ASTN1: variants seen among roughly 807,000 people sequenced by gnomAD.
ASTN1 encodes the protein astrotactin-1.
In ASTN1, 41 loss-of-function variants were observed where a neutral mutation model predicts 140.7. The observed-to-expected ratio is 0.29, with a 90% CI of 0.23 to 0.38. ASTN1 has a LOEUF of 0.38. ASTN1 is among the 10% of genes least tolerant of loss of function. The pLI is 1.00. For synonymous variants in ASTN1, 640 were observed against 652.2 expected (o/e 0.98, Z 0.29); for missense variants, 1,479 against 1,678.8 (o/e 0.88, Z 2.08).
chr1:177,137,095 C>T (rs1682239237), intron 1 of ASTN1, among the ~76,000 whole-genome samples: 1 of 152,068 alleles, frequency 6.6e-6, no homozygotes, highest in Non-Finnish European at 1.5e-5. Flanking sequence ...GGTTAGAAAA[C>T]ACTGGTATGA....
At chr1:177,103,611 T>C (rs1680404286) in intron 1 of ASTN1, among the ~76,000 whole-genome samples, 1 of 152,060 alleles carries the variant, frequency 6.6e-6, no homozygotes, top group Admixed American at 6.6e-5. Context: ...AAACAATAGA[T>C]AAATCAAACT....
intron 1 of ASTN1, among the ~76,000 whole-genome samples, chr1:177,152,683 C>G (rs919119641): frequency 7.2e-5 from 11 of 151,948 alleles, no homozygotes; most frequent in Non-Finnish European, 1.5e-5. Context: ...ACTAAAAATA[C>G]CACTAGCTTT....
intron 22 of ASTN1, among the ~76,000 whole-genome samples, chr1:176,868,596 G>A (rs1326985621): frequency 6.6e-6 from 1 of 152,056 alleles, no homozygotes; most frequent in Non-Finnish European, 1.5e-5. Flanking sequence ...AAAAAAGGAG[G>A]GCAAAATAGG....
chr1:177,051,507 G>T (rs1677542008), intron 2 of ASTN1, among the ~76,000 whole-genome samples: 1 of 152,210 alleles, frequency 6.6e-6, no homozygotes, highest in Admixed American at 6.5e-5. Flanking sequence ...TTTAACATCT[G>T]GTCCTTTATA....
intron 1 of ASTN1, among the ~76,000 whole-genome samples, chr1:177,149,977 A>T (rs983077971): frequency 6.6e-6 from 1 of 151,226 alleles, no homozygotes; most frequent in African/African-American, 2.4e-5. Context: ...TTTATTTCTC[A>T]TTGTCTTCCA....
At chr1:176,909,435 C>A (rs558335385) in intron 16 of ASTN1, among the ~76,000 whole-genome samples, 8 of 152,262 alleles carry the variant, frequency 5.3e-5, no homozygotes, top group African/African-American at 1.9e-4. Context: ...GGCTGGCAAC[C>A]ATTCTCTCTA....
chr1:177,091,625 G>T (rs773666432), intron 1 of ASTN1, among the ~76,000 whole-genome samples: 5 of 152,108 alleles, frequency 3.3e-5, no homozygotes, highest in Non-Finnish European at 5.9e-5. Context: ...TCACAAAGTT[G>T]TGCAACTATC....
At chr1:177,057,580 T>C (rs1260767754) in intron 2 of ASTN1, among the ~76,000 whole-genome samples, 2 of 152,224 alleles carry the variant, frequency 1.3e-5, no homozygotes, top group African/African-American at 4.8e-5. Context: ...GGATTATTAG[T>C]TAAGCTTTTA....
At chr1:176,907,196 T>C (rs1423373158) in intron 16 of ASTN1, among the ~76,000 whole-genome samples, 3 of 152,206 alleles carry the variant, frequency 2.0e-5, no homozygotes, top group East Asian at 3.9e-4. Context: ...TATCAGGCAC[T>C]CCAAGTGATT....
At chr1:176,885,666 A>T (rs779572036) in intron 18 of ASTN1, among the ~76,000 whole-genome samples, 6 of 152,160 alleles carry the variant, frequency 3.9e-5, no homozygotes, top group Non-Finnish European at 7.3e-5. Context: ...CTAAGAATGA[A>T]TGACACCAAA....
At chr1:177,014,015 C>T (rs944813549) in intron 8 of ASTN1, among the ~76,000 whole-genome samples, 10 of 151,076 alleles carry the variant, frequency 6.6e-5, no homozygotes, top group Admixed American at 1.3e-4. Flanking sequence ...CACTACACTC[C>T]AGCCTGGGCA....
At chr1:176,945,009 G>A (rs1368594894) in intron 13 of ASTN1, among the ~76,000 whole-genome samples, 1 of 152,114 alleles carries the variant, frequency 6.6e-6, no homozygotes, top group Non-Finnish European at 1.5e-5. Context: ...TCAACTGCTG[G>A]TCCATATCAT....
At chr1:177,113,245 C>T (rs970717250) in intron 1 of ASTN1, among the ~76,000 whole-genome samples, 1 of 152,154 alleles carries the variant, frequency 6.6e-6, no homozygotes, top group African/African-American at 2.4e-5. Flanking sequence ...GGCACAGACA[C>T]CTAAGGTTGT....
chr1:177,008,815 CACAG>C (rs1361301273), intron 8 of ASTN1, among the ~76,000 whole-genome samples: 1 of 152,010 alleles, frequency 6.6e-6, no homozygotes, highest in African/African-American at 2.4e-5. Context: ...AGAAGCTGGG[CACAG>C]ACAATGAAGT....
intron 1 of ASTN1, among the ~76,000 whole-genome samples, chr1:177,161,022 C>T (rs1558139734): frequency 6.6e-6 from 1 of 152,156 alleles, no homozygotes; most frequent in Admixed American, 6.5e-5. Flanking sequence ...CAAAACATAC[C>T]TAAAAGTCAT....
intron 8 of ASTN1, among the ~76,000 whole-genome samples, chr1:176,989,198 G>A (rs762663837): frequency 7.2e-5 from 11 of 152,162 alleles, no homozygotes; most frequent in Non-Finnish European, 1.2e-4. Context: ...TAAGTGTGAT[G>A]GGGAAAGAAT....
At chr1:176,909,993 A>G (rs1670161706) in intron 16 of ASTN1, among the ~76,000 whole-genome samples, 1 of 152,194 alleles carries the variant, frequency 6.6e-6, no homozygotes, top group Admixed American at 6.5e-5. Flanking sequence ...GAGTCAAACA[A>G]ACCACACAAT....
At chr1:176,975,763 A>G (rs1673337185) in intron 8 of ASTN1, among the ~76,000 whole-genome samples, 1 of 152,212 alleles carries the variant, frequency 6.6e-6, no homozygotes, top group African/African-American at 2.4e-5. Context: ...AGATTCACCC[A>G]ACATATGGGT....
intron 1 of ASTN1, among the ~76,000 whole-genome samples, chr1:177,159,066 CAAA>C (rs57759902): frequency 1.3e-5 from 1 of 74,646 alleles, no homozygotes; most frequent in Non-Finnish European, 3.3e-5. Flanking sequence ...GGATCCATCT[CAAA>C]AAAAAAAAAA....
Sources: allele counts gnomAD v4.1 joint callset (sites outside exome capture counted in the v4.1 genomes callset), GRCh38; gene constraint gnomAD v4.1.1; transcripts MANE v1.5; gene names NCBI Gene and HGNC (gene_info 2026-07-23, HGNC 2026-07-21).